GPR158: variants seen among roughly 807,000 people sequenced by gnomAD.
GPR158 encodes G protein-coupled receptor 158.
GPR158 carries 30 observed loss-of-function variants against 78.2 expected under a neutral mutation model. The observed-to-expected ratio is 0.38, with a 90% CI of 0.29 to 0.52. The LOEUF is 0.52. GPR158 is among the 20% of genes least tolerant of loss of function. The pLI is 0.83. For missense variants in GPR158, 1,463 were observed against 1,523.5 expected (o/e 0.96, Z 0.66); for synonymous variants, 581 against 591.1 (o/e 0.98, Z 0.25).
intron 5 of GPR158, among the ~76,000 whole-genome samples, chr10:25,538,850 T>C (rs1266798347): frequency 6.6e-6 from 1 of 152,200 alleles, no homozygotes; most frequent in African/African-American, 2.4e-5. Context: ...TCGTAATTTA[T>C]TCTTGGCCAA....
chr10:25,281,063 A>G (rs1436663740), intron 2 of GPR158, among the ~76,000 whole-genome samples: 1 of 150,506 alleles, frequency 6.6e-6, no homozygotes, highest in Non-Finnish European at 1.5e-5. Flanking sequence ...TGAACCTTGG[A>G]GGTGGAGGTT....
intron 2 of GPR158, among the ~76,000 whole-genome samples, chr10:25,261,006 A>C (rs1415456633): frequency 1.3e-5 from 2 of 152,116 alleles, no homozygotes; most frequent in African/African-American, 4.8e-5. Flanking sequence ...AGTATTTCCC[A>C]TTTGACTTTA....
intron 4 of GPR158, among the ~76,000 whole-genome samples, chr10:25,437,979 A>C (rs1835020369): frequency 6.6e-6 from 1 of 152,230 alleles, no homozygotes; most frequent in Non-Finnish European, 1.5e-5. Context: ...TCAATGCAGC[A>C]GGGAACCATG....
intron 4 of GPR158, among the ~76,000 whole-genome samples, chr10:25,417,629 A>G (rs777080326): frequency 1.3e-5 from 2 of 152,206 alleles, no homozygotes; most frequent in East Asian, 3.8e-4. Context: ...AGGTTCTATT[A>G]CCTATCAAGA....
chr10:25,243,469 T>C (rs994155150), intron 2 of GPR158, among the ~76,000 whole-genome samples: 1 of 152,216 alleles, frequency 6.6e-6, no homozygotes, highest in African/African-American at 2.4e-5. Context: ...CTATCCTTCA[T>C]ATGAAGTTCT....
chr10:25,466,773 A>G (rs2130617877), intron 5 of GPR158, 54 bp downstream of exon 5: 1 of 959,408 alleles, frequency 1.0e-6, no homozygotes, highest in Admixed American at 2.0e-5. Flanking sequence ...GTTGCATACT[A>G]TAAAGTTACT....
intron 1 of GPR158, among the ~76,000 whole-genome samples, chr10:25,202,654 T>C (rs908284423): frequency 2.0e-5 from 3 of 152,208 alleles, no homozygotes; most frequent in African/African-American, 2.4e-5. Flanking sequence ...CAGTCTATCA[T>C]TGTTGGACAT....
chr10:25,271,477 AC>A (rs1307280738), intron 2 of GPR158, among the ~76,000 whole-genome samples: 2 of 152,256 alleles, frequency 1.3e-5, no homozygotes, highest in South Asian at 4.1e-4. Flanking sequence ...TTATTGACAT[AC>A]CGTCTGATTT....
intron 4 of GPR158, among the ~76,000 whole-genome samples, chr10:25,425,052 T>G (rs973898888): frequency 2.0e-5 from 3 of 152,198 alleles, no homozygotes; most frequent in Non-Finnish European, 4.4e-5. Context: ...TCTCCTCTTT[T>G]ATTTCATTGA....
chr10:25,246,126 T>C (rs145050082), intron 2 of GPR158, among the ~76,000 whole-genome samples: 1 of 152,310 alleles, frequency 6.6e-6, no homozygotes, highest in Admixed American at 6.5e-5. Context: ...CCTAGACCCA[T>C]ATAAAGTTTT....
At chr10:25,442,966 A>C (rs1245626649) in intron 4 of GPR158, among the ~76,000 whole-genome samples, 2 of 152,154 alleles carry the variant, frequency 1.3e-5, no homozygotes, top group African/African-American at 4.8e-5. Flanking sequence ...AAAGCCTTTG[A>C]TGACTTTTCA....
In GPR158 at chr10:25,176,118, A is replaced by G; in HGVS notation, c.698A>G (p.His233Arg). ...FHGLRRKWRP[H>R]LHRRGPNQGP... ...GGCCTCCGGCGCAAGTGGAGGCCCC[A>G]CTTACACCGCCGCGGCCCCAATCAG... Residue 233 changes from histidine (H) to arginine (R), a missense_variant, in exon 1 of 11, where the codon CAC becomes CGC. Physicochemically the swap from His to Arg is conservative, Grantham distance 29. Transcript: ENST00000376351. The surrounding 1 kb of genome is among the most constrained non-coding windows in gnomAD (Gnocchi z 6.3). 1.3e-6 allele frequency: 2 copies of G among 1,576,240 alleles called. No individual in the cohort carries two copies.
Position 25,268,655 on chromosome 10 carries a change from C to T in GPR158, c.1008+47498C>T, listed in dbSNP as rs558690018. On this transcript the variant is annotated intron_variant, in intron 2 of 10. Coordinates refer to ENST00000376351, the MANE Select transcript of GPR158 (RefSeq NM_020752.3). Reference sequence around the variant, plus strand: ...GTCTGCCTTTCCTTCTAGAATACCACGAAAATAGTTTCTATTTTTGTGTGC... The same window carrying T: ...GTCTGCCTTTCCTTCTAGAATACCATGAAAATAGTTTCTATTTTTGTGTGC... 4.2e-4 allele frequency among the ~76,000 whole-genome samples: 64 copies of T among 152,162 alleles called. No homozygotes were observed. The South Asian group carries it at 6.2e-3, about 15-fold the overall frequency.
At chr10:25,583,891 A>G (rs1329848499) in intron 7 of GPR158, among the ~76,000 whole-genome samples, 2 of 152,168 alleles carry the variant, frequency 1.3e-5, no homozygotes, top group Admixed American at 6.5e-5. Context: ...TGGCATTTGC[A>G]CTTTGAAGTT....
intron 4 of GPR158, among the ~76,000 whole-genome samples, chr10:25,441,759 CAACT>C (rs2130589503): frequency 6.6e-6 from 1 of 152,278 alleles, no homozygotes; most frequent in East Asian, 1.9e-4. Flanking sequence ...CATTTTTGCT[CAACT>C]GAGTACCAGA....
At chr10:25,592,586 T>C (rs923732756) in intron 8 of GPR158, among the ~76,000 whole-genome samples, 1 of 152,044 alleles carries the variant, frequency 6.6e-6, no homozygotes, top group Non-Finnish European at 1.5e-5. Flanking sequence ...TGGCAGTAAT[T>C]TAAAACTGAT....
intron 5 of GPR158, among the ~76,000 whole-genome samples, chr10:25,529,150 A>C (rs1382135587): frequency 6.6e-6 from 1 of 152,174 alleles, no homozygotes; most frequent in Non-Finnish European, 1.5e-5. Context: ...GCACTTTAGG[A>C]GGCTGAGGCA....
chr10:25,283,713 C>T (rs970146327), intron 2 of GPR158, among the ~76,000 whole-genome samples: 4 of 151,534 alleles, frequency 2.6e-5, no homozygotes, highest in African/African-American at 7.3e-5. Flanking sequence ...GAGTGGAGAC[C>T]GTTTTTCTTT....
intron 5 of GPR158, among the ~76,000 whole-genome samples, chr10:25,495,817 T>A (rs1366687836): frequency 6.6e-6 from 1 of 152,146 alleles, no homozygotes; most frequent in African/African-American, 2.4e-5. Flanking sequence ...TTTTCTTCTT[T>A]CCTTCAGCTG....
Sources: gnomAD v4.1 joint callset for allele counts (sites outside exome capture counted in the v4.1 genomes callset) on GRCh38, gnomAD v4.1.1 for gene constraint, Gnocchi (gnomAD v3.1) non-coding constraint, MANE v1.5 for transcripts, NCBI Gene and HGNC (gene_info 2026-07-23, HGNC 2026-07-21) for gene names.